GSDME: variants seen among roughly 807,000 people sequenced by gnomAD.
GSDME encodes gasdermin E, also known as gasdermin-E.
In GSDME, 44 loss-of-function variants were observed where a neutral mutation model predicts 47.5. That is an observed-to-expected ratio of 0.93 (90% CI 0.73 to 1.19). The LOEUF is 1.19. Among genes scored for constraint, GSDME ranks in the 50% most tolerant of loss-of-function variants. GSDME has a pLI of 0.00. For synonymous variants in GSDME, 258 were observed against 252.8 expected (o/e 1.02, Z -0.20); for missense variants, 663 against 604.2 (o/e 1.10, Z -1.02).
rs1043090518 is a variant in GSDME, at chr7:24,739,974, T to C, written c.404+4588A>G. Among the ~76,000 whole-genome samples the C allele has an allele frequency of 2.0e-5, 3 of 151,820 alleles. No homozygotes were observed. Among genetic ancestry groups the C allele is most frequent in the Non-Finnish European group, 2.9e-5 (2 of 67,982 alleles). On this transcript the variant is annotated intron_variant, in intron 3 of 9. Transcript: ENST00000645220. This position sits in a 1 kb window ranked among gnomAD's most constrained non-coding sequence, Gnocchi z 5.1. ...CAGGTTTGGTGATGGGTGCCTGTAA[T>C]CCCAGCTACTCGGGAAGCTGAGGCT... is the stretch of plus-strand genomic sequence containing the variant.
chr7:24,778,496 C>T, the GSDME span, among the ~76,000 whole-genome samples: 7 of 152,290 alleles, frequency 4.6e-5, no homozygotes, highest in African/African-American at 1.7e-4. The surrounding 1 kb of genome is among the most constrained non-coding windows in gnomAD (Gnocchi z 5.6). Flanking sequence ...CCCAGTTTGT[C>T]CAAGGCTGAG....
Position 24,726,805 on chromosome 7 carries a change from C to CAA in GSDME, c.405-7589_405-7588dup, listed in dbSNP as rs11358953. Among the ~76,000 whole-genome samples the CAA allele has an allele frequency of 2.2e-4, 21 of 96,922 alleles. No homozygotes were observed. The highest frequency in any genetic ancestry group is 4.5e-4 in the African/African-American group (13 of 28,754). The allele number at this position is 96,922 out of a possible 152,430, so 63.6% of individuals were successfully genotyped here. ...CGGGGGACAGAGCGAGACTCCGTCTCAAAAAAAAAAAAAAAAAACCAATGG... is the reference window on the plus strand; with the variant it reads ...CGGGGGACAGAGCGAGACTCCGTCTCAAAAAAAAAAAAAAAAAAAACCAATGG... On this transcript the variant is annotated intron_variant, in intron 3 of 9. Coordinates refer to ENST00000645220, the MANE Select transcript of GSDME (RefSeq NM_001127453.2). This position sits in a 1 kb window ranked among gnomAD's most constrained non-coding sequence, Gnocchi z 5.6.
the GSDME span, among the ~76,000 whole-genome samples, chr7:24,773,629 AG>A: frequency 2.0e-5 from 3 of 152,230 alleles, no homozygotes; most frequent in Admixed American, 6.5e-5. The surrounding 1 kb of genome is among the most constrained non-coding windows in gnomAD (Gnocchi z 5.4). Context: ...TTGTCAGTAT[AG>A]CTCCCTCTCT....
the GSDME span, among the ~76,000 whole-genome samples, chr7:24,764,017 A>G: frequency 0.042 from 6,375 of 152,300 alleles, 493 homozygotes; most frequent in African/African-American, 0.14. The surrounding 1 kb of genome is among the most constrained non-coding windows in gnomAD (Gnocchi z 4.4). Context: ...TTATCTAAGA[A>G]TACAGGGAGA....
At chr7:24,706,470 T>G in intron 7 of GSDME, 94 bp from the exon 8 acceptor site, 2 of 1,264,176 alleles carry the variant, frequency 1.6e-6, no homozygotes, top group Non-Finnish European at 2.2e-6. Flanking sequence ...GCCCCAGCCC[T>G]TCCCACTCCC....
At chr7:24,740,340 TAGAA>T (rs1267579949) in intron 3 of GSDME, among the ~76,000 whole-genome samples, 4 of 151,482 alleles carry the variant, frequency 2.6e-5, no homozygotes, top group African/African-American at 9.7e-5. Flanking sequence ...CCAATAAAAA[TAGAA>T]AGAATGAATA....
upstream of GSDME, among the ~76,000 whole-genome samples, chr7:24,762,930 C>T (rs959518409): frequency 1.3e-5 from 2 of 152,124 alleles, no homozygotes; most frequent in Non-Finnish European, 2.9e-5. Context: ...GTTGAGGTTG[C>T]CCTGAGCATG....
chr7:24,792,114 A>T, the GSDME span, among the ~76,000 whole-genome samples: 5 of 152,312 alleles, frequency 3.3e-5, no homozygotes, highest in South Asian at 4.1e-4. Flanking sequence ...AAGCATAACA[A>T]TTGCTTTTGT....
intron 8 of GSDME, chr7:24,703,345 C>CA: frequency 3.9e-6 from 1 of 255,780 alleles, no homozygotes; most frequent in Non-Finnish European, 7.6e-6. Context: ...GTAGCTTTAT[C>CA]AGTGCAGCGT....
intron 3 of GSDME, among the ~76,000 whole-genome samples, chr7:24,723,135 CT>C (rs147424617): frequency 0.059 from 8,977 of 152,288 alleles, 314 homozygotes; most frequent in Non-Finnish European, 0.085. Context: ...GTGCTGCCAC[CT>C]TTTGGAAACC....
chr7:24,741,694 C>CT (rs1368560365), intron 3 of GSDME, among the ~76,000 whole-genome samples: 1 of 152,112 alleles, frequency 6.6e-6, no homozygotes, highest in Non-Finnish European at 1.5e-5. Flanking sequence ...ATGTACAGTC[C>CT]TTAAGCATCA....
intron 3 of GSDME, among the ~76,000 whole-genome samples, chr7:24,719,549 T>G (rs1789698588): frequency 6.6e-6 from 1 of 152,000 alleles, no homozygotes; most frequent in Non-Finnish European, 1.5e-5. Flanking sequence ...TCCCAGCACT[T>G]TGGGAGGCTG....
intron 3 of GSDME, among the ~76,000 whole-genome samples, chr7:24,734,296 C>T (rs1004288153): frequency 5.9e-5 from 9 of 152,280 alleles, no homozygotes; most frequent in Admixed American, 2.6e-4. Flanking sequence ...CCTTTGAATA[C>T]CTGGAAAGTC....
intron 5 of GSDME, 32 bp from the exon 6 acceptor site, chr7:24,710,420 A>G (rs1789306972): frequency 6.2e-7 from 1 of 1,613,194 alleles, no homozygotes; most frequent in Non-Finnish European, 8.5e-7. Context: ...CAAGTTAGGT[A>G]AAGTTGAGTC....
In GSDME at chr7:24,757,310, C is replaced by G. The variant is rs1285815564; in HGVS notation, c.-20+86G>C. 3.9e-5 allele frequency: 6 copies of G among 152,590 alleles called. No individual in the cohort carries two copies. The East Asian group carries it at 1.2e-3, about 30-fold the overall frequency. The allele number at this position is 152,590 out of a possible 1,614,324, so 9.5% of individuals were successfully genotyped here. A position where few individuals can be genotyped will look rare whatever the true frequency, so the allele number is the denominator to read the frequency against. The stretch of plus-strand genomic sequence containing the variant: ...AAGCGCCGCGCGGCCTCGGCTGCCC[C>G]CGGCCCGGGACACCCAAACAGACCA... On this transcript the variant is annotated intron_variant, in intron 1 of 9. Coordinates refer to ENST00000645220, the MANE Select transcript of GSDME (RefSeq NM_001127453.2). This position sits in a 1 kb window ranked among gnomAD's most constrained non-coding sequence, Gnocchi z 5.9.
rs1789305522 is a variant in GSDME, at chr7:24,710,387, C to T, written c.699G>A (p.Glu233=). The change falls in exon 6 of 10, where the codon GAG becomes GAA. Residue 233 remains glutamate (E), a splice_region_variant and synonymous_variant. Coordinates refer to ENST00000645220, the MANE Select transcript of GSDME (RefSeq NM_001127453.2). ...CTTGCTTCCCTCGGAGAAGGCAGAACTCTGTAGTGCAGGAGAAAAGGACAA... is the reference window on the plus strand; with the variant it reads ...CTTGCTTCCCTCGGAGAAGGCAGAATTCTGTAGTGCAGGAGAAAAGGACAA... ...ELYVKLDGQF[E]FCLLRGKQGG... The T allele has an allele frequency of 1.9e-6, 3 of 1,614,210 alleles. No homozygotes were observed. The highest frequency in any genetic ancestry group is 1.1e-5 in the South Asian group (1 of 91,076).
At chr7:24,715,226 C>T (rs546370688) in intron 5 of GSDME, among the ~76,000 whole-genome samples, 2 of 152,192 alleles carry the variant, frequency 1.3e-5, no homozygotes, top group East Asian at 3.9e-4. Flanking sequence ...GAGATGTTGT[C>T]AAAGCATGCA....
chr7:24,720,798 TCAGCAGGCTGAGGCAGGAG>T (rs1250999974), intron 3 of GSDME, among the ~76,000 whole-genome samples: 7 of 151,882 alleles, frequency 4.6e-5, no homozygotes, highest in African/African-American at 1.5e-4. Flanking sequence ...TCCCAGCTAC[TCAGCAGGCTGAGGCAGGAG>T]AATTGCTTGA....
chr7:24,738,102 C>G (rs959499241), intron 3 of GSDME, among the ~76,000 whole-genome samples: 1 of 152,004 alleles, frequency 6.6e-6, no homozygotes, highest in East Asian at 1.9e-4. Context: ...CTGTTATTCA[C>G]CATAGTACTC....
Sources: allele counts gnomAD v4.1 joint callset (sites outside exome capture counted in the v4.1 genomes callset), GRCh38; gene constraint gnomAD v4.1.1; non-coding constraint Gnocchi (gnomAD v3.1); transcripts MANE v1.5; gene names NCBI Gene and HGNC (gene_info 2026-07-23, HGNC 2026-07-21).